ADARB2: variants seen among roughly 807,000 people sequenced by gnomAD.
ADARB2 encodes adenosine deaminase RNA specific B2 (inactive).
In ADARB2, 25 loss-of-function variants were observed where a neutral mutation model predicts 62.2. The observed-to-expected ratio is 0.40, with a 90% confidence interval of 0.29 to 0.56. The LOEUF is 0.56. Among genes scored for constraint, ADARB2 ranks in the 20% least tolerant of loss-of-function variants. ADARB2 has a pLI of 0.43. For missense variants in ADARB2, 1,071 were observed against 1,077.4 expected (o/e 0.99, Z 0.08); for synonymous variants, 572 against 500.8 (o/e 1.14, Z -1.90).
At chr10:1,553,746 G>C (rs548228465) in intron 1 of ADARB2, among the ~76,000 whole-genome samples, 1 of 152,226 alleles carries the variant, frequency 6.6e-6, no homozygotes, top group South Asian at 2.1e-4. Flanking sequence ...TAAAGAAGGC[G>C]TTTGGAGCGC....
intron 1 of ADARB2, among the ~76,000 whole-genome samples, chr10:1,639,115 T>G (rs1264930099): frequency 6.6e-6 from 1 of 152,172 alleles, no homozygotes; most frequent in African/African-American, 2.4e-5. Flanking sequence ...CTGGAGCACT[T>G]CAGGAGAATG....
At chr10:1,684,780 T>C (rs1247031919) in intron 1 of ADARB2, among the ~76,000 whole-genome samples, 1 of 152,356 alleles carries the variant, frequency 6.6e-6, no homozygotes, top group East Asian at 1.9e-4. Context: ...GTTTGAAAAG[T>C]TGCGATGGAA....
At chr10:1,269,502 A>G (rs919507991) in intron 4 of ADARB2, among the ~76,000 whole-genome samples, 4 of 152,244 alleles carry the variant, frequency 2.6e-5, no homozygotes, top group Non-Finnish European at 5.9e-5. Flanking sequence ...CTGGAAATAC[A>G]TGAACACATT....
chr10:1,371,113 G>A (rs1832366207), intron 2 of ADARB2, among the ~76,000 whole-genome samples: 2 of 152,132 alleles, frequency 1.3e-5, no homozygotes, highest in South Asian at 2.1e-4. Flanking sequence ...ATAGACCCAC[G>A]GAACAGAGAA....
intron 1 of ADARB2, among the ~76,000 whole-genome samples, chr10:1,560,791 G>A (rs934332336): frequency 6.6e-6 from 1 of 152,352 alleles, no homozygotes; most frequent in Non-Finnish European, 1.5e-5. Flanking sequence ...TGTCTACACC[G>A]AGCCCCAGAC....
intron 1 of ADARB2, among the ~76,000 whole-genome samples, chr10:1,715,971 A>G (rs375934043): frequency 2.4e-4 from 36 of 152,292 alleles, no homozygotes; most frequent in South Asian, 1.9e-3. Flanking sequence ...CACCCTGTTC[A>G]TTCCACAACT....
At chr10:1,654,207 A>G (rs1351258603) in intron 1 of ADARB2, among the ~76,000 whole-genome samples, 1 of 152,198 alleles carries the variant, frequency 6.6e-6, no homozygotes, top group Non-Finnish European at 1.5e-5. Context: ...ATCAGTCAGT[A>G]GCAACCTGAG....
intron 2 of ADARB2, among the ~76,000 whole-genome samples, chr10:1,371,704 T>C (rs1832373414): frequency 6.7e-6 from 1 of 149,250 alleles, no homozygotes; most frequent in Admixed American, 6.7e-5. Flanking sequence ...GATAAAATGC[T>C]CAACGTCACA....
intron 3 of ADARB2, among the ~76,000 whole-genome samples, chr10:1,332,294 C>G (rs1831935421): frequency 6.6e-6 from 1 of 151,932 alleles, no homozygotes; most frequent in Admixed American, 6.6e-5. Flanking sequence ...GTCCCAGCTA[C>G]ATGGGGGGCT....
At chr10:1,706,278 G>A (rs998024312) in intron 1 of ADARB2, among the ~76,000 whole-genome samples, 3 of 152,226 alleles carry the variant, frequency 2.0e-5, no homozygotes, top group Non-Finnish European at 2.9e-5. Flanking sequence ...GGCTGACCAT[G>A]TTTCTTGCCT....
intron 1 of ADARB2, among the ~76,000 whole-genome samples, chr10:1,507,796 C>T (rs985511552): frequency 8.5e-5 from 13 of 152,156 alleles, no homozygotes; most frequent in African/African-American, 2.7e-4. Context: ...TTTCCTGGCA[C>T]GTACACGGGG....
chr10:1,369,089 G>T (rs570724013), intron 2 of ADARB2, among the ~76,000 whole-genome samples: 1 of 152,166 alleles, frequency 6.6e-6, no homozygotes. Context: ...CAGCTTTAAC[G>T]CCGACTTTAC....
intron 1 of ADARB2, among the ~76,000 whole-genome samples, chr10:1,562,978 A>T (rs1278680083): frequency 1.3e-5 from 2 of 152,254 alleles, no homozygotes; most frequent in Non-Finnish European, 2.9e-5. Context: ...AGCACTTCTC[A>T]TGCTGAGCTC....
chr10:1,427,651 T>C (rs2131888144), intron 1 of ADARB2, among the ~76,000 whole-genome samples: 2 of 152,352 alleles, frequency 1.3e-5, no homozygotes, highest in South Asian at 4.1e-4. Context: ...ACAGCCACTC[T>C]GGAAAACAGT....
chr10:1,497,149 T>G (rs891335995), intron 1 of ADARB2, among the ~76,000 whole-genome samples: 29 of 152,262 alleles, frequency 1.9e-4, no homozygotes, highest in African/African-American at 6.0e-4. Flanking sequence ...ATAATAACAC[T>G]TGACTAAGAA....
rs141388925 is a variant in ADARB2 at position 1,689,525 on chromosome 10, C to T, written c.100+47526G>A. 5.7e-3 allele frequency among the ~76,000 whole-genome samples: 866 copies of T among 152,260 alleles called. 9 individuals carry two copies. The highest frequency in any genetic ancestry group is 0.014 in the Middle Eastern group (4 of 294). On this transcript the variant is annotated intron_variant, in intron 1 of 9. Coordinates refer to ENST00000381312, the MANE Select transcript of ADARB2 (RefSeq NM_018702.4). ...ACACATAGGGGCATCTGTATTCATG[C>T]GATATTTGAATAAACAGACATCACC...
chr10:1,325,044 C>G (rs1321356037), intron 3 of ADARB2, among the ~76,000 whole-genome samples: 1 of 152,148 alleles, frequency 6.6e-6, no homozygotes, highest in Non-Finnish European at 1.5e-5. Flanking sequence ...GAACTAAAAG[C>G]TTAAACATGC....
chr10:1,500,824 T>C (rs1276231688), intron 1 of ADARB2, among the ~76,000 whole-genome samples: 1 of 152,244 alleles, frequency 6.6e-6, no homozygotes, highest in Non-Finnish European at 1.5e-5. Context: ...AGCACTGTTG[T>C]GCTGTCCCTG....
chr10:1,333,519 T>G (rs1041025043), intron 3 of ADARB2, among the ~76,000 whole-genome samples: 1 of 152,170 alleles, frequency 6.6e-6, no homozygotes, highest in African/African-American at 2.4e-5. Context: ...TTGAGGGTAT[T>G]TTTTAGTCTC....
Sources: gnomAD v4.1 joint callset for allele counts (sites outside exome capture counted in the v4.1 genomes callset) on GRCh38, gnomAD v4.1.1 for gene constraint, MANE v1.5 for transcripts, NCBI Gene and HGNC (gene_info 2026-07-23, HGNC 2026-07-21) for gene names.